ST7: variants seen among roughly 807,000 people sequenced by gnomAD.
The protein encoded by ST7 is suppressor of tumorigenicity 7 protein.
ST7 carries 28 observed loss-of-function variants against 78.7 expected under a neutral mutation model. The observed-to-expected ratio is 0.36, with a 90% CI of 0.26 to 0.49. The LOEUF is 0.49. Ranked by LOEUF, ST7 falls within the 20% of genes least tolerant of loss-of-function variation. The pLI, the probability that ST7 is intolerant of heterozygous loss-of-function variation, is 0.99. For missense variants in ST7, 418 were observed against 696.0 expected (o/e 0.60, Z 4.49); for synonymous variants, 247 against 249.6 (o/e 0.99, Z 0.10).
chr7:117,010,384 T>A (rs1205541318), intron 1 of ST7, among the ~76,000 whole-genome samples: 1 of 152,192 alleles, frequency 6.6e-6, no homozygotes, highest in East Asian at 1.9e-4. Context: ...CAGATAATCC[T>A]TTTTTTAGTG....
chr7:116,998,427 G>T (rs572778804), intron 1 of ST7, among the ~76,000 whole-genome samples: 11 of 152,228 alleles, frequency 7.2e-5, no homozygotes, highest in African/African-American at 9.6e-5. Flanking sequence ...GCCTCGGCCA[G>T]CCCTGAGAGG....
chr7:117,141,258 C>T (rs1014591563), intron 9 of ST7, among the ~76,000 whole-genome samples: 2 of 151,968 alleles, frequency 1.3e-5, no homozygotes, highest in Non-Finnish European at 2.9e-5. Flanking sequence ...ATAGAAATGT[C>T]AGTTAGAATG....
chr7:116,972,964 G>T, intron 1 of ST7: 1 of 943,796 alleles, frequency 1.1e-6, no homozygotes, highest in African/African-American at 1.6e-5. Context: ...TCTGCTTGGT[G>T]TTGCAGCCTC....
chr7:117,204,195 A>G (rs1366675337), intron 12 of ST7, among the ~76,000 whole-genome samples: 1 of 152,260 alleles, frequency 6.6e-6, no homozygotes, highest in African/African-American at 2.4e-5. Context: ...TGGGACATGT[A>G]TATGTGGAAA....
chr7:117,206,608 A>G (rs1347831687), intron 12 of ST7, among the ~76,000 whole-genome samples: 1 of 152,218 alleles, frequency 6.6e-6, no homozygotes, highest in Non-Finnish European at 1.5e-5. Context: ...TGAGTAAGCC[A>G]TCCGTCTCAC....
intron 1 of ST7, among the ~76,000 whole-genome samples, chr7:116,979,408 A>T (rs1793847132): frequency 6.6e-6 from 1 of 152,224 alleles, no homozygotes; most frequent in African/African-American, 2.4e-5. Context: ...TGTAAATGAA[A>T]GTGAGATCTT....
intron 10 of ST7, among the ~76,000 whole-genome samples, chr7:117,187,118 A>G (rs1387271550): frequency 1.3e-5 from 2 of 152,246 alleles, no homozygotes; most frequent in African/African-American, 4.8e-5. Context: ...CTTAGAGGCA[A>G]ATTGCTATTA....
chr7:117,201,572 T>C (rs1436175654), intron 12 of ST7, among the ~76,000 whole-genome samples: 2 of 151,526 alleles, frequency 1.3e-5, no homozygotes, highest in South Asian at 2.1e-4. Context: ...TTTTTTTTTT[T>C]CCATGAGACA....
At chr7:117,186,333 A>AAGCACAGTGATAACTATGAC (rs1270764114) in intron 10 of ST7, among the ~76,000 whole-genome samples, 6 of 152,200 alleles carry the variant, frequency 3.9e-5, no homozygotes, top group Non-Finnish European at 8.8e-5. Flanking sequence ...ACTTGAACAC[A>AAGCACAGTGATAACTATGAC]AGCACAGTGA....
Position 117,202,227 on chromosome 7 carries a change from G to T in ST7, c.1255-7560G>T, listed in dbSNP as rs1458044672. 9.7e-5 allele frequency among the ~76,000 whole-genome samples: 2 copies of T among 20,580 alleles called. 1 individual carries two copies. Among genetic ancestry groups the T allele is most frequent in the Non-Finnish European group, 2.4e-4 (2 of 8,424 alleles). The allele number at this position is 20,580 out of a possible 152,430, so 13.5% of individuals were successfully genotyped here. A position where few individuals can be genotyped will look rare whatever the true frequency, so the allele number is the denominator to read the frequency against. Reference sequence around the variant, plus strand: ...TCCGCCCGCCTCGGCCTCCCAAAGTGCTGGGATTACAGGCGTGAGCCACCG... The same window carrying T: ...TCCGCCCGCCTCGGCCTCCCAAAGTTCTGGGATTACAGGCGTGAGCCACCG... On this transcript the variant is annotated intron_variant, in intron 12 of 15. Coordinates refer to ENST00000323984, the MANE Select transcript of ST7 (RefSeq NM_001369598.1).
intron 1 of ST7, among the ~76,000 whole-genome samples, chr7:117,069,782 A>G (rs1413067346): frequency 6.6e-6 from 1 of 152,158 alleles, no homozygotes; most frequent in Non-Finnish European, 1.5e-5. Flanking sequence ...GTCCTACTGT[A>G]TATTTTAGGC....
chr7:117,104,453 A>G (rs1801803053), intron 2 of ST7, among the ~76,000 whole-genome samples: 1 of 152,204 alleles, frequency 6.6e-6, no homozygotes, highest in South Asian at 2.1e-4. Flanking sequence ...AAACAAAACA[A>G]AACAAAAACT....
At chr7:117,041,933 C>G (rs540126733) in intron 1 of ST7, among the ~76,000 whole-genome samples, 1 of 152,092 alleles carries the variant, frequency 6.6e-6, no homozygotes, top group Non-Finnish European at 1.5e-5. Flanking sequence ...CCTTAAATGT[C>G]GAAGAGGAAG....
intron 9 of ST7, among the ~76,000 whole-genome samples, chr7:117,147,717 GTAT>G (rs377481135): frequency 1.1e-3 from 172 of 151,642 alleles, no homozygotes; most frequent in African/African-American, 3.8e-3. Context: ...TTCCATATTT[GTAT>G]TATTGTTTCT....
Position 117,007,937 on chromosome 7 carries a change from A to G in ST7, c.151+54246A>G, listed in dbSNP as rs530648794. 7.2e-5 allele frequency among the ~76,000 whole-genome samples: 11 copies of G among 152,356 alleles called. No homozygotes were observed. The East Asian group carries it at 2.1e-3, about 29-fold the overall frequency. On this transcript the variant is annotated intron_variant, in intron 1 of 15. Coordinates refer to ENST00000323984, the MANE Select transcript of ST7 (RefSeq NM_001369598.1). Reference sequence around the variant, plus strand: ...CATTTTCCAAGTAATACACTTCACTACATTTTCTCTTAGAATCACCTATAT... The same window carrying G: ...CATTTTCCAAGTAATACACTTCACTGCATTTTCTCTTAGAATCACCTATAT...
At chr7:117,118,644 T>C (rs946634180) in intron 2 of ST7, among the ~76,000 whole-genome samples, 1 of 152,214 alleles carries the variant, frequency 6.6e-6, no homozygotes, top group African/African-American at 2.4e-5. Context: ...AAATTTCTTC[T>C]GTGGAATGAT....
At position 117,209,490 on chromosome 7, in the gene ST7, G is replaced by T. The variant is rs184848740; in HGVS notation, c.1255-297G>T. On this transcript the variant is annotated intron_variant, in intron 12 of 15. Transcript: ENST00000323984. ...GCTTCCAAAATTATACCAAATTATTGTGTCTTCTACATTTTCCTTTATGCT... is the reference window on the plus strand; with the variant it reads ...GCTTCCAAAATTATACCAAATTATTTTGTCTTCTACATTTTCCTTTATGCT... Among the ~76,000 whole-genome samples, 233 of 152,170 alleles carry T rather than the reference G, an allele frequency of 1.5e-3. 1 individual carries two copies. Among genetic ancestry groups the T allele is most frequent in the African/African-American group, 5.5e-3 (228 of 41,502 alleles).
At chr7:117,055,694 G>T (rs1798026679) in intron 1 of ST7, among the ~76,000 whole-genome samples, 2 of 152,128 alleles carry the variant, frequency 1.3e-5, no homozygotes, top group South Asian at 4.2e-4. Context: ...TGCTTTTGGT[G>T]TTCATATTTG....
intron 9 of ST7, among the ~76,000 whole-genome samples, chr7:117,162,224 C>T (rs1807214487): frequency 6.6e-6 from 1 of 151,984 alleles, no homozygotes; most frequent in South Asian, 2.1e-4. Flanking sequence ...TGGGTTCAGT[C>T]TTAATGAACT....
Sources: gnomAD v4.1 joint callset for allele counts (sites outside exome capture counted in the v4.1 genomes callset) on GRCh38, gnomAD v4.1.1 for gene constraint, MANE v1.5 for transcripts, NCBI Gene and HGNC (gene_info 2026-07-23, HGNC 2026-07-21) for gene names.